TANK: variants seen among roughly 807,000 people sequenced by gnomAD.
TANK encodes the protein TRAF family member associated NFKB activator.
Under a neutral mutation model 43.6 loss-of-function variants are expected in TANK, and 15 were observed. The ratio of observed to expected loss-of-function variants is 0.34; its 90% CI spans 0.23 to 0.53. TANK has a LOEUF of 0.53. TANK is among the 20% of genes least tolerant of loss of function. The pLI, the probability that TANK is intolerant of heterozygous loss-of-function variation, is 0.94. For missense variants in TANK, 417 were observed against 498.6 expected (o/e 0.84, Z 1.56); for synonymous variants, 162 against 178.2 (o/e 0.91, Z 0.73).
chr2:161,206,822 A>G (rs976573395), intron 4 of TANK, among the ~76,000 whole-genome samples: 3 of 152,162 alleles, frequency 2.0e-5, no homozygotes, highest in Non-Finnish European at 4.4e-5. Flanking sequence ...GCTTAAATAA[A>G]CAATATTTCT....
intron 2 of TANK, among the ~76,000 whole-genome samples, chr2:161,187,395 C>T (rs537780360): frequency 7.9e-4 from 121 of 152,264 alleles, no homozygotes; most frequent in Non-Finnish European, 1.4e-3. Context: ...CACCACTGCA[C>T]TCCAGCCTAG....
At chr2:161,209,516 T>C (rs896182905) in intron 4 of TANK, among the ~76,000 whole-genome samples, 3 of 152,240 alleles carry the variant, frequency 2.0e-5, no homozygotes, top group South Asian at 2.1e-4. Flanking sequence ...GTGTCACTTA[T>C]ATAATCTCAG....
chr2:161,214,835 G>A (rs536907394), intron 4 of TANK, among the ~76,000 whole-genome samples: 212 of 152,198 alleles, frequency 1.4e-3, no homozygotes, highest in African/African-American at 4.7e-3. Flanking sequence ...AGTTAGTAGC[G>A]AAGAACATCT....
At chr2:161,197,244 C>T (rs975431674) in intron 2 of TANK, 1 of 152,150 alleles carries the variant, frequency 6.6e-6, no homozygotes, top group Non-Finnish European at 1.5e-5. Flanking sequence ...ATAACTATAG[C>T]CATTAATCTT....
chr2:161,235,136 T>C (rs1203265893), intron 7 of TANK, among the ~76,000 whole-genome samples: 1 of 152,238 alleles, frequency 6.6e-6, no homozygotes, highest in Admixed American at 6.5e-5. Context: ...GTGTCCCAAG[T>C]GACTTTTAAT....
intron 1 of TANK, among the ~76,000 whole-genome samples, chr2:161,147,274 T>G (rs1683939511): frequency 6.6e-6 from 1 of 152,198 alleles, no homozygotes; most frequent in Admixed American, 6.5e-5. Context: ...TCAGTCCCAG[T>G]GTTGGCTACC....
At chr2:161,230,884 T>G in intron 6 of TANK, 87 bp from the exon 7 acceptor site, 1 of 1,041,914 alleles carries the variant, frequency 9.6e-7, no homozygotes. Flanking sequence ...ATAGAAAAAA[T>G]AATAATAATC....
At chr2:161,166,709 G>A (rs1047295250) in intron 1 of TANK, among the ~76,000 whole-genome samples, 2 of 151,990 alleles carry the variant, frequency 1.3e-5, no homozygotes, top group Non-Finnish European at 2.9e-5. Context: ...ATTGCTTGAG[G>A]CGAGGAGTCC....
At chr2:161,145,059 C>T (rs1683865813) in intron 1 of TANK, among the ~76,000 whole-genome samples, 1 of 138,904 alleles carries the variant, frequency 7.2e-6, no homozygotes, top group African/African-American at 2.7e-5. Flanking sequence ...TAATGCTCTT[C>T]TTTGTCTTTT....
At chr2:161,160,341 C>G (rs1281977617), upstream of TANK, 2 of 985,236 alleles carry the variant, frequency 2.0e-6, no homozygotes, top group East Asian at 3.3e-5. Context: ...GGGCCCTGGC[C>G]TTGTTGGGTG....
Position 161,218,033 on chromosome 2 carries a change from A to T in TANK, c.328-5882A>T, listed in dbSNP as rs114807578. 5.8e-3 allele frequency among the ~76,000 whole-genome samples: 890 copies of T among 152,262 alleles called. 12 individuals are homozygous for T. Among genetic ancestry groups the T allele is most frequent in the African/African-American group, 0.021 (862 of 41,554 alleles). On this transcript the variant is annotated intron_variant, in intron 4 of 7. Transcript: ENST00000392749. Reference sequence around the variant, plus strand: ...ATGCCAAGTTTGAGAAATACTATGAAATTTTGTCAAAGAAAATACTGCCAA... The same window carrying T: ...ATGCCAAGTTTGAGAAATACTATGATATTTTGTCAAAGAAAATACTGCCAA...
intron 7 of TANK, among the ~76,000 whole-genome samples, chr2:161,233,465 G>A (rs887902778): frequency 1.3e-5 from 2 of 151,884 alleles, no homozygotes; most frequent in Non-Finnish European, 2.9e-5. Context: ...AAAGACAAGT[G>A]AAATTTTTGG....
At chr2:161,235,184 A>G (rs1688120536) in intron 7 of TANK, among the ~76,000 whole-genome samples, 158 bp from the exon 8 acceptor site, 1 of 152,226 alleles carries the variant, frequency 6.6e-6, no homozygotes, top group African/African-American at 2.4e-5. Flanking sequence ...CCACGAATTG[A>G]GTCATGTCAT....
At chr2:161,187,326 G>T (rs1302292685) in intron 2 of TANK, among the ~76,000 whole-genome samples, 1 of 152,154 alleles carries the variant, frequency 6.6e-6, no homozygotes, top group Non-Finnish European at 1.5e-5. Flanking sequence ...AGCTACTCAG[G>T]AGACAGGCAG....
At chr2:161,225,786 C>CT (rs1202137705) in intron 6 of TANK, among the ~76,000 whole-genome samples, 7 of 152,164 alleles carry the variant, frequency 4.6e-5, no homozygotes, top group Non-Finnish European at 8.8e-5. Flanking sequence ...GCTCTTACAT[C>CT]TAGGCTATTT....
Position 161,160,499 on chromosome 2 carries a change from C to T in TANK, c.-50+13C>T. 3 of 1,256,990 alleles carry T rather than the reference C, an allele frequency of 2.4e-6. No individual in the cohort carries two copies. The highest frequency in any genetic ancestry group is 1.5e-5 in the African/African-American group (1 of 65,590). 77.9% of individuals were successfully genotyped at this position (1,256,990 alleles called of 1,614,324 possible). ...AAGCGTGAACTGTGTGAGTAAGAAA[C>T]TTTGTGAATTGGTGTGTCCGAATCC... On this transcript the variant is annotated intron_variant, in intron 1 of 7. Transcript: ENST00000392749.
At position 161,231,061 on chromosome 2, in the gene TANK, G is replaced by C. The variant is rs140063924; in HGVS notation, c.611G>C (p.Arg204Thr). Reference protein sequence around the residue: ...FKPQAKDDINRGAPSITSVTP... With the variant: ...FKPQAKDDINTGAPSITSVTP... ...CCTCAGGCTAAAGATGATATAAATA[G>C]AGGTGCACCATCCATCACATCTGTC... The change falls in exon 7 of 8, where the codon AGA (arginine) becomes ACA (threonine). Residue 204 changes from arginine (R) to threonine (T), a missense_variant. Physicochemically the swap from Arg to Thr is moderately conservative, Grantham distance 71 (BLOSUM62 -1). Transcript: ENST00000392749. 8.2e-5 allele frequency: 133 copies of C among 1,613,972 alleles called. No individual in the cohort carries two copies. The highest frequency in any genetic ancestry group is 1.1e-4 in the Non-Finnish European group (133 of 1,180,002).
intron 1 of TANK, among the ~76,000 whole-genome samples, chr2:161,167,414 T>A (rs1684731788): frequency 6.6e-6 from 1 of 152,192 alleles, no homozygotes; most frequent in South Asian, 2.1e-4. Flanking sequence ...CCAGGATTGG[T>A]TGGCTGTCAT....
intron 2 of TANK, chr2:161,180,210 C>G: frequency 1.5e-6 from 1 of 656,314 alleles, no homozygotes; most frequent in Non-Finnish European, 1.9e-6. Flanking sequence ...TAATACTCTT[C>G]CATTCTTTAT....
Sources: allele counts gnomAD v4.1 joint callset (sites outside exome capture counted in the v4.1 genomes callset), GRCh38; gene constraint gnomAD v4.1.1; transcripts MANE v1.5; gene names NCBI Gene and HGNC (gene_info 2026-07-23, HGNC 2026-07-21).